UMAD1: variants seen among roughly 807,000 people sequenced by gnomAD.
The protein encoded by UMAD1 is UBAP1-MVB12-associated (UMA)-domain containing protein 1.
A neutral mutation model predicts 6.1 loss-of-function variants in UMAD1; 8 were observed. That is an observed-to-expected ratio of 1.30 (90% CI 0.76 to 2.35). The LOEUF is 2.35. Among genes scored for constraint, UMAD1 ranks in the 30% most tolerant of loss-of-function variants. The probability of loss-of-function intolerance (pLI) is 0.00; values close to 1 mark genes in which losing one functional copy is unlikely to be tolerated. For synonymous variants in UMAD1, 56 were observed against 31.4 expected (o/e 1.78, Z -2.61); for missense variants, 130 against 78.4 (o/e 1.66, Z -2.49).
intron 2 of UMAD1, among the ~76,000 whole-genome samples, chr7:7,789,340 A>G (rs10276007): frequency 0.031 from 4,494 of 145,882 alleles, 247 homozygotes; most frequent in African/African-American, 0.12. Flanking sequence ...TAAAATAACA[A>G]TGTGAATATG....
chr7:7,736,858 T>C (rs911068505), intron 2 of UMAD1: 12 of 152,292 alleles, frequency 7.9e-5, no homozygotes, highest in African/African-American at 2.9e-4. Context: ...CTCTGACAGC[T>C]GTAGCCTGGC....
At position 7,762,373 on chromosome 7, in the gene UMAD1, A is replaced by G. The variant is rs1202701049; in HGVS notation, c.83-39297A>G. On this transcript the variant is annotated intron_variant, in intron 2 of 3. Coordinates refer to ENST00000682710, the MANE Select transcript of UMAD1 (RefSeq NM_001302348.2). ...ACTGATTAAGTCACAACACATTTTA[A>G]TATTTTCATTCGAGGTTTCTTGCTA... Among the ~76,000 whole-genome samples the G allele has an allele frequency of 2.0e-5, 3 of 152,312 alleles. No homozygotes were observed. In the East Asian group the frequency reaches 5.8e-4, roughly 29 times the overall value.
At chr7:7,825,371 A>C (rs567793570) in intron 3 of UMAD1, among the ~76,000 whole-genome samples, 5 of 152,284 alleles carry the variant, frequency 3.3e-5, no homozygotes, top group African/African-American at 1.2e-4. Context: ...GCTGCTGATA[A>C]AAACATACCT....
chr7:7,856,805 A>G (rs1418002094), intron 3 of UMAD1, among the ~76,000 whole-genome samples: 1 of 152,230 alleles, frequency 6.6e-6, no homozygotes, highest in Non-Finnish European at 1.5e-5. Context: ...CTTTACATAT[A>G]TTGACCATAC....
At chr7:7,660,272 T>A (rs1338592104) in intron 1 of UMAD1, among the ~76,000 whole-genome samples, 1 of 152,258 alleles carries the variant, frequency 6.6e-6, no homozygotes, top group East Asian at 1.9e-4. Flanking sequence ...AGTCTGTGTC[T>A]TTTAATTGGG....
chr7:7,799,363 A>G (rs6975739), intron 2 of UMAD1, among the ~76,000 whole-genome samples: 18,672 of 152,230 alleles, frequency 0.12, 1,826 homozygotes, highest in African/African-American at 0.26. Context: ...GTGATTCTGC[A>G]ATTGCTTCCA....
intron 2 of UMAD1, among the ~76,000 whole-genome samples, chr7:7,714,703 C>CA (rs1457665624): frequency 2.6e-5 from 4 of 152,006 alleles, no homozygotes; most frequent in Admixed American, 1.3e-4. Flanking sequence ...TCCCTAACTG[C>CA]AAATAAAGGC....
intron 2 of UMAD1, among the ~76,000 whole-genome samples, chr7:7,674,557 C>A (rs941648814): frequency 6.6e-6 from 1 of 152,148 alleles, no homozygotes; most frequent in African/African-American, 2.4e-5. Context: ...TTCTTCAGAC[C>A]AGATCCCTTA....
At chr7:7,718,083 T>G (rs1168697236) in intron 2 of UMAD1, among the ~76,000 whole-genome samples, 2 of 152,250 alleles carry the variant, frequency 1.3e-5, no homozygotes. Flanking sequence ...CATTCACTTA[T>G]TAACTTCACA....
intron 3 of UMAD1, among the ~76,000 whole-genome samples, chr7:7,838,335 C>T (rs1430108391): frequency 6.6e-6 from 1 of 152,066 alleles, no homozygotes; most frequent in African/African-American, 2.4e-5. Context: ...TGAGGGAATA[C>T]ATGATTTGAG....
At chr7:7,806,722 TAATA>T (rs1490285229) in intron 3 of UMAD1, among the ~76,000 whole-genome samples, 2 of 152,196 alleles carry the variant, frequency 1.3e-5, no homozygotes, top group African/African-American at 4.8e-5. Context: ...GGGAAAAGTT[TAATA>T]AATTCAGTTA....
In UMAD1 at chr7:7,808,648, G is replaced by A. The variant is rs140539564; in HGVS notation, c.156+6905G>A. Among the ~76,000 whole-genome samples the A allele has an allele frequency of 3.1e-3, 475 of 151,876 alleles. 2 individuals are homozygous for A. The highest frequency in any genetic ancestry group is 0.011 in the African/African-American group (459 of 41,454). On this transcript the variant is annotated intron_variant, in intron 3 of 3. Coordinates refer to ENST00000682710, the MANE Select transcript of UMAD1 (RefSeq NM_001302348.2). The stretch of plus-strand genomic sequence containing the variant: ...GGTTGAACTTAAATTTCTTGTATTT[G>A]TAACTGCAGTTTTTTAAAAATTTGA...
chr7:7,697,279 T>A (rs1780344413), intron 2 of UMAD1, among the ~76,000 whole-genome samples: 1 of 152,226 alleles, frequency 6.6e-6, no homozygotes, highest in Non-Finnish European at 1.5e-5. Flanking sequence ...TTCTATCTAA[T>A]TATTTTCCCA....
chr7:7,856,875 A>G (rs1390915711), intron 3 of UMAD1, among the ~76,000 whole-genome samples: 1 of 152,224 alleles, frequency 6.6e-6, no homozygotes, highest in Non-Finnish European at 1.5e-5. Context: ...AAGGAATAGC[A>G]TCAGTTGGGC....
chr7:7,801,207 T>C (rs1782792493), intron 2 of UMAD1, among the ~76,000 whole-genome samples: 1 of 152,222 alleles, frequency 6.6e-6, no homozygotes, highest in Non-Finnish European at 1.5e-5. Context: ...TTATCTGTCA[T>C]CTGGTTAATT....
intron 2 of UMAD1, among the ~76,000 whole-genome samples, chr7:7,766,209 A>G (rs1781983180): frequency 6.6e-6 from 1 of 152,226 alleles, no homozygotes; most frequent in South Asian, 2.1e-4. Context: ...CCCAGAGTAC[A>G]TGTGTAGTTA....
At chr7:7,708,927 CTGTG>C (rs890448329) in intron 2 of UMAD1, among the ~76,000 whole-genome samples, 5 of 148,818 alleles carry the variant, frequency 3.4e-5, no homozygotes, top group Non-Finnish European at 6.0e-5. Flanking sequence ...GTTTGTGTGT[CTGTG>C]TGTGTGTGAG....
chr7:7,653,250 C>T (rs1785267979), intron 1 of UMAD1, among the ~76,000 whole-genome samples: 1 of 152,140 alleles, frequency 6.6e-6, no homozygotes, highest in African/African-American at 2.4e-5. Flanking sequence ...GGCAGTTATG[C>T]AGTTATATTT....
At chr7:7,751,594 G>A (rs935117263) in intron 2 of UMAD1, among the ~76,000 whole-genome samples, 3 of 152,146 alleles carry the variant, frequency 2.0e-5, no homozygotes, top group Non-Finnish European at 4.4e-5. Context: ...GTATATGAGG[G>A]TGGAGGGACA....
Sources: gnomAD v4.1 joint callset for allele counts (sites outside exome capture counted in the v4.1 genomes callset) on GRCh38, gnomAD v4.1.1 for gene constraint, MANE v1.5 for transcripts, NCBI Gene and HGNC (gene_info 2026-07-23, HGNC 2026-07-21) for gene names.